The following METAP1D variants were observed in gnomAD, a reference collection of about 807,000 sequenced individuals.
The protein encoded by METAP1D is methionyl aminopeptidase type 1D, mitochondrial.
Under a neutral mutation model 40.5 loss-of-function variants are expected in METAP1D, and 31 were observed. The observed-to-expected ratio is 0.77, with a 90% CI of 0.58 to 1.03. The LOEUF (loss-of-function observed/expected upper bound fraction) is 1.03, where lower values mean the gene tolerates loss of function less well. METAP1D is among the 50% of genes least tolerant of loss of function. The pLI is 0.00. For missense variants in METAP1D, 411 were observed against 420.7 expected (o/e 0.98, Z 0.20); for synonymous variants, 151 against 146.4 (o/e 1.03, Z -0.22).
chr2:172,067,877 C>A (rs776507578), intron 5 of METAP1D, among the ~76,000 whole-genome samples: 5 of 152,180 alleles, frequency 3.3e-5, no homozygotes, highest in African/African-American at 4.8e-5. Context: ...CATATCTTAA[C>A]AAATTATATT....
At chr2:172,068,380 C>T (rs1057008519) in intron 5 of METAP1D, among the ~76,000 whole-genome samples, 9 of 151,722 alleles carry the variant, frequency 5.9e-5, no homozygotes, top group East Asian at 1.9e-4. Flanking sequence ...GGTGACAGAG[C>T]GAGACTCTGT....
intron 1 of METAP1D, among the ~76,000 whole-genome samples, chr2:172,038,923 C>T (rs972248239): frequency 2.0e-5 from 3 of 152,174 alleles, no homozygotes; most frequent in African/African-American, 7.2e-5. Context: ...TTAAAGTCAG[C>T]ATCATCTAGT....
chr2:172,018,940 C>T (rs1429708917), intron 1 of METAP1D, among the ~76,000 whole-genome samples: 1 of 152,172 alleles, frequency 6.6e-6, no homozygotes, highest in Non-Finnish European at 1.5e-5. Flanking sequence ...TCAGTCTTTC[C>T]TTGTCTTTCA....
intron 1 of METAP1D, among the ~76,000 whole-genome samples, chr2:172,026,176 C>T (rs967392510): frequency 6.6e-6 from 1 of 152,066 alleles, no homozygotes; most frequent in African/African-American, 2.4e-5. Flanking sequence ...CTCTGTTTTT[C>T]CCCTTGTGGT....
chr2:172,040,458 CAT>C (rs901238191), intron 1 of METAP1D, among the ~76,000 whole-genome samples: 5 of 152,124 alleles, frequency 3.3e-5, no homozygotes, highest in African/African-American at 7.2e-5. Context: ...TATTCTGAAA[CAT>C]GTGGAGGAAA....
chr2:172,047,371 T>C (rs1407052710), intron 1 of METAP1D, among the ~76,000 whole-genome samples: 2 of 152,184 alleles, frequency 1.3e-5, no homozygotes, highest in Non-Finnish European at 2.9e-5. Flanking sequence ...AAGGGCAACG[T>C]TAAAGTTTAT....
rs573289360 is a variant in METAP1D at position 172,053,242 on chromosome 2, C to T, written c.41-8256C>T. Reference sequence around the variant, plus strand: ...CACAGCGCTGTAAGAGCCTGTGCTCCTACTCTGAGTAATTGGTTGGAGTTC... The same window carrying T: ...CACAGCGCTGTAAGAGCCTGTGCTCTTACTCTGAGTAATTGGTTGGAGTTC... On this transcript the variant is annotated intron_variant, in intron 1 of 9. Transcript: ENST00000315796. 5.9e-5 allele frequency among the ~76,000 whole-genome samples: 9 copies of T among 152,356 alleles called. No homozygotes were observed. In the South Asian group the frequency reaches 1.7e-3, roughly 28 times the overall value.
intron 1 of METAP1D, among the ~76,000 whole-genome samples, chr2:172,005,043 C>T (rs1334973648): frequency 6.6e-6 from 1 of 152,062 alleles, no homozygotes; most frequent in Non-Finnish European, 1.5e-5. Flanking sequence ...CCACCTCAAC[C>T]TCCTGAGTGG....
intron 2 of METAP1D, 193 bp downstream of exon 2, chr2:172,061,848 A>G: frequency 2.5e-6 from 1 of 400,822 alleles, no homozygotes; most frequent in Non-Finnish European, 4.4e-6. Flanking sequence ...TTTTAAAACA[A>G]AGCTCTAAGC....
At chr2:172,074,192 A>G (rs1428382386) in intron 6 of METAP1D, among the ~76,000 whole-genome samples, 1 of 151,974 alleles carries the variant, frequency 6.6e-6, no homozygotes, top group African/African-American at 2.4e-5. Flanking sequence ...GTGTAGATTC[A>G]TGCATCATGA....
intron 1 of METAP1D, among the ~76,000 whole-genome samples, chr2:172,024,997 A>G (rs1401530867): frequency 3.3e-5 from 5 of 152,164 alleles, no homozygotes; most frequent in Non-Finnish European, 7.3e-5. Context: ...TTTATCTCCA[A>G]ACTTTGATTT....
At chr2:172,032,728 A>C (rs1418925730) in intron 1 of METAP1D, among the ~76,000 whole-genome samples, 1 of 152,258 alleles carries the variant, frequency 6.6e-6, no homozygotes, top group Non-Finnish European at 1.5e-5. Flanking sequence ...AGCCACAGCT[A>C]TCAGAGCACA....
chr2:172,031,790 G>C (rs528231754), intron 1 of METAP1D, among the ~76,000 whole-genome samples: 1 of 152,366 alleles, frequency 6.6e-6, no homozygotes, highest in South Asian at 2.1e-4. Context: ...GTGACTTAAA[G>C]AGGAGTGTTG....
chr2:172,055,421 C>A (rs1689981593), intron 1 of METAP1D, among the ~76,000 whole-genome samples: 1 of 152,178 alleles, frequency 6.6e-6, no homozygotes, highest in Admixed American at 6.5e-5. Context: ...CTTTCTGTGA[C>A]CCTGAATATA....
intron 1 of METAP1D, among the ~76,000 whole-genome samples, chr2:172,022,075 C>G (rs1166102090): frequency 6.6e-6 from 1 of 152,188 alleles, no homozygotes; most frequent in African/African-American, 2.4e-5. Context: ...CTGACCACTA[C>G]TGTTACCTGG....
At position 172,043,618 on chromosome 2, in the gene METAP1D, T is replaced by C. The variant is rs766025606; in HGVS notation, c.41-17880T>C. Among the ~76,000 whole-genome samples the C allele has an allele frequency of 3.0e-4, 40 of 134,874 alleles. 10 individuals are homozygous for C. Among genetic ancestry groups the C allele is most frequent in the Non-Finnish European group, 5.7e-4 (33 of 57,958 alleles). The allele number at this position is 134,874 out of a possible 152,430, so 88.5% of individuals were successfully genotyped here. On this transcript the variant is annotated intron_variant, in intron 1 of 9. Coordinates refer to ENST00000315796, the MANE Select transcript of METAP1D (RefSeq NM_199227.3). ...ATTATTTTATTTATATTTAATAGCA[T>C]TATATTCCATTATAAAAATTTCATT...
chr2:172,025,743 G>A (rs1689107782), intron 1 of METAP1D, among the ~76,000 whole-genome samples: 1 of 152,180 alleles, frequency 6.6e-6, no homozygotes, highest in Middle Eastern at 3.4e-3. Flanking sequence ...GGGTCGCTTC[G>A]TTGCCCAGGC....
intron 6 of METAP1D, chr2:172,072,308 T>G (rs533924513): frequency 6.0e-6 from 1 of 167,246 alleles, no homozygotes; most frequent in South Asian, 2.1e-4. Context: ...TTCAACAAAT[T>G]TACTGGTGGT....
intron 7 of METAP1D, among the ~76,000 whole-genome samples, chr2:172,078,822 T>C (rs892821635): frequency 6.6e-6 from 1 of 152,066 alleles, no homozygotes; most frequent in Non-Finnish European, 1.5e-5. Context: ...CTTCCCTCCT[T>C]TGCATCCTTC....
Sources: allele counts gnomAD v4.1 joint callset (sites outside exome capture counted in the v4.1 genomes callset), GRCh38; gene constraint gnomAD v4.1.1; transcripts MANE v1.5; gene names NCBI Gene and HGNC (gene_info 2026-07-23, HGNC 2026-07-21).